Variants in PARN observed in about 807,000 individuals in gnomAD.
PARN encodes the protein poly(A)-specific ribonuclease PARN.
Under a neutral mutation model 102.8 loss-of-function variants are expected in PARN, and 71 were observed. The observed-to-expected ratio is 0.69, with a 90% CI of 0.57 to 0.84. The LOEUF (loss-of-function observed/expected upper bound fraction) is 0.84. Ranked by LOEUF, PARN falls within the 40% of genes least tolerant of loss-of-function variation. The pLI, the probability that PARN is intolerant of heterozygous loss-of-function variation, is 0.00. For missense variants in PARN, 782 were observed against 760.9 expected (o/e 1.03, Z -0.33); for synonymous variants, 261 against 252.9 (o/e 1.03, Z -0.30).
intron 2 of PARN, 103 bp downstream of exon 2, chr16:14,629,494 G>C (rs1972895554): frequency 2.4e-6 from 2 of 844,532 alleles, no homozygotes; most frequent in African/African-American, 1.7e-5. Flanking sequence ...GCTACTAACA[G>C]CAAGAGGCCA....
chr16:14,533,058 TG>T (rs1191084548), intron 21 of PARN, among the ~76,000 whole-genome samples: 1 of 151,962 alleles, frequency 6.6e-6, no homozygotes, highest in Non-Finnish European at 1.5e-5. Flanking sequence ...GGCAGGCGGC[TG>T]GGAGGTGGAG....
chr16:14,562,265 AAACCAGCCTGGGC>A (rs1354223847), intron 18 of PARN, among the ~76,000 whole-genome samples: 1 of 152,056 alleles, frequency 6.6e-6, no homozygotes, highest in Non-Finnish European at 1.5e-5. Context: ...TCAGAGTTTG[AAACCAGCCTGGGC>A]AACATGACTG....
At chr16:14,495,526 C>T (rs1418941028) in intron 21 of PARN, among the ~76,000 whole-genome samples, 1 of 152,130 alleles carries the variant, frequency 6.6e-6, no homozygotes, top group East Asian at 1.9e-4. Flanking sequence ...GAGAAGACTG[C>T]CTGGTGGGTG....
chr16:14,597,168 G>A (rs1238211115), intron 12 of PARN, among the ~76,000 whole-genome samples: 1 of 152,096 alleles, frequency 6.6e-6, no homozygotes, highest in Non-Finnish European at 1.5e-5. Flanking sequence ...GAATACCACA[G>A]TAATAACTGC....
In PARN at chr16:14,482,861, CA is replaced by C. The variant is rs1284126699; in HGVS notation, c.1481-35del. Reference sequence around the variant, plus strand: ...AAAAGAAAAAAAAATAAAATGCTTACAAAAGTCTGGCCTAGCCCCAAAGATG... The same window carrying C: ...AAAAGAAAAAAAAATAAAATGCTTACAAAGTCTGGCCTAGCCCCAAAGATG... On this transcript the variant is annotated intron_variant, in intron 21 of 23. Coordinates refer to ENST00000437198, the MANE Select transcript of PARN (RefSeq NM_002582.4). 4.6e-6 allele frequency: 7 copies of C among 1,532,948 alleles called. No homozygotes were observed. The East Asian group carries it at 9.4e-5, about 21-fold the overall frequency. The allele number at this position is 1,532,948 out of a possible 1,614,324, so 95.0% of individuals were successfully genotyped here. A position where few individuals can be genotyped will look rare whatever the true frequency, so the allele number is the denominator to read the frequency against.
intron 21 of PARN, chr16:14,501,485 T>TAAAAAA (rs1964614612): frequency 5.2e-5 from 5 of 96,900 alleles, no homozygotes; most frequent in Admixed American, 1.1e-4. Flanking sequence ...GAATGAATGT[T>TAAAAAA]AAAATGTAGG....
intron 21 of PARN, among the ~76,000 whole-genome samples, chr16:14,544,211 C>A (rs913756405): frequency 6.6e-6 from 1 of 151,890 alleles, no homozygotes; most frequent in Non-Finnish European, 1.5e-5. Context: ...AAAACCAAAA[C>A]CAAGCTATAC....
At chr16:14,580,617 C>T (rs1048265328) in intron 18 of PARN, among the ~76,000 whole-genome samples, 4 of 152,032 alleles carry the variant, frequency 2.6e-5, no homozygotes, top group African/African-American at 9.7e-5. Context: ...CCAGAACTAC[C>T]AGTTCTTTTT....
At chr16:14,620,933 C>G (rs1050829924) in intron 5 of PARN, among the ~76,000 whole-genome samples, 2 of 152,108 alleles carry the variant, frequency 1.3e-5, no homozygotes, top group Non-Finnish European at 2.9e-5. Flanking sequence ...TTTTCATTTA[C>G]TAATTTTTTA....
chr16:14,584,894 ATAAT>A (rs1365123128), intron 14 of PARN, 103 bp from the exon 15 acceptor site: 2 of 633,942 alleles, frequency 3.2e-6, no homozygotes, highest in Non-Finnish European at 5.4e-6. Flanking sequence ...CATAAAAAAC[ATAAT>A]TAAAACATAA....
At chr16:14,489,264 A>G (rs1963922115) in intron 21 of PARN, among the ~76,000 whole-genome samples, 1 of 152,056 alleles carries the variant, frequency 6.6e-6, no homozygotes, top group Non-Finnish European at 1.5e-5. Flanking sequence ...TCTTTGGTTG[A>G]GTGGTGGTTT....
chr16:14,532,120 C>G (rs1343048604), intron 21 of PARN, among the ~76,000 whole-genome samples: 1 of 151,528 alleles, frequency 6.6e-6, no homozygotes. Context: ...ATAAATAAAT[C>G]CCCCCAACCA....
Position 14,580,942 on chromosome 16 carries a change from A to C in PARN, c.1194T>G (p.Gly398=), listed in dbSNP as rs1445033298. The part of the protein sequence containing the change: ...LCFISMANYL[G]SFLSPPKIHV... Reference sequence around the variant, plus strand: ...GAATTTTTGGAGGGCTGAGAAAAGAACCTAATGAAGAAAAGAAGAGAGGTA... The same window carrying C: ...GAATTTTTGGAGGGCTGAGAAAAGACCCTAATGAAGAAAAGAAGAGAGGTA... The change falls in exon 18 of 24, where the codon GGT becomes GGG. Residue 398 remains glycine, a splice_region_variant and synonymous_variant. Coordinates refer to ENST00000437198, the MANE Select transcript of PARN (RefSeq NM_002582.4). 6.3e-7 allele frequency: 1 copy of C among 1,599,782 alleles called. No homozygotes were observed. The highest frequency in any genetic ancestry group is 8.6e-7 in the Non-Finnish European group (1 of 1,167,244).
chr16:14,590,233 T>A, intron 13 of PARN, among the ~76,000 whole-genome samples: 3 of 20,874 alleles, frequency 1.4e-4, no homozygotes, highest in South Asian at 2.1e-3. Context: ...AGACTCCATC[T>A]CAAAAAAAAA....
chr16:14,482,461 T>C (rs1207807601), intron 22 of PARN, among the ~76,000 whole-genome samples, 177 bp downstream of exon 22: 1 of 152,192 alleles, frequency 6.6e-6, no homozygotes, highest in Non-Finnish European at 1.5e-5. Flanking sequence ...CTATGGTCTA[T>C]AAAGCAGTCT....
At chr16:14,498,964 T>C (rs1964452849) in intron 21 of PARN, among the ~76,000 whole-genome samples, 1 of 152,260 alleles carries the variant, frequency 6.6e-6, no homozygotes, top group African/African-American at 2.4e-5. Flanking sequence ...GGTCACCAAA[T>C]GTCCCCAAAT....
chr16:14,569,494 T>G (rs868363226), intron 18 of PARN, among the ~76,000 whole-genome samples: 1 of 152,178 alleles, frequency 6.6e-6, no homozygotes, highest in Admixed American at 6.5e-5. Flanking sequence ...CCCTGAAGCC[T>G]CAGCTATTTC....
At chr16:14,607,818 C>T (rs1305473678) in intron 9 of PARN, among the ~76,000 whole-genome samples, 1 of 152,136 alleles carries the variant, frequency 6.6e-6, no homozygotes. Flanking sequence ...GAGTTGAAGA[C>T]CCACCTGCAA....
chr16:14,604,252 A>T, intron 10 of PARN, 26 bp from the exon 11 acceptor site: 1 of 1,417,788 alleles, frequency 7.1e-7, no homozygotes, highest in South Asian at 1.3e-5. Flanking sequence ...CAGATATACA[A>T]TTTTCTTTTC....
Sources: allele counts gnomAD v4.1 joint callset (sites outside exome capture counted in the v4.1 genomes callset), GRCh38; gene constraint gnomAD v4.1.1; transcripts MANE v1.5; gene names NCBI Gene and HGNC (gene_info 2026-07-23, HGNC 2026-07-21).